KIAA1671: variants seen among roughly 807,000 people sequenced by gnomAD.
The protein encoded by KIAA1671 is uncharacterized protein KIAA1671.
Under a neutral mutation model 131.2 loss-of-function variants are expected in KIAA1671, and 52 were observed. The ratio of observed to expected loss-of-function variants is 0.40; its 90% CI spans 0.32 to 0.50. The LOEUF (loss-of-function observed/expected upper bound fraction) is 0.50. Ranked by LOEUF, KIAA1671 falls within the 20% of genes least tolerant of loss-of-function variation. KIAA1671 has a pLI of 0.73. For synonymous variants in KIAA1671, 1,003 were observed against 961.6 expected (o/e 1.04, Z -0.80); for missense variants, 2,360 against 2,364.2 (o/e 1.00, Z 0.04).
chr22:25,171,809 G>A (rs1228555955), intron 7 of KIAA1671, among the ~76,000 whole-genome samples: 1 of 152,106 alleles, frequency 6.6e-6, no homozygotes, highest in Admixed American at 6.5e-5. Context: ...GCGCTGGGGT[G>A]GAGAGGGAAT....
intron 6 of KIAA1671, among the ~76,000 whole-genome samples, chr22:25,128,282 T>C (rs762706210): frequency 4.6e-5 from 7 of 152,212 alleles, no homozygotes; most frequent in Non-Finnish European, 8.8e-5. Context: ...CCTTAATGTT[T>C]CTTCATGTTC....
chr22:25,042,026 G>T (rs1926954009), intron 5 of KIAA1671, among the ~76,000 whole-genome samples: 1 of 152,294 alleles, frequency 6.6e-6, no homozygotes, highest in East Asian at 1.9e-4. Flanking sequence ...TGACAGGCGT[G>T]TGCCACCATG....
rs1007310575 is a variant in KIAA1671, at chr22:24,999,800, C to T, written c.-207-25833C>T. On this transcript the variant is annotated intron_variant, in intron 1 of 12. Coordinates refer to ENST00000358431, the MANE Select transcript of KIAA1671 (RefSeq NM_001145206.2). ...CTGGTCTCAAACTTCTGGGCTCAAG[C>T]GATCCTCTCTCAGCCTCCCAAAGTG... Among the ~76,000 whole-genome samples the T allele has an allele frequency of 2.6e-4, 35 of 132,584 alleles. 1 individual carries two copies. Among genetic ancestry groups the T allele is most frequent in the East Asian group, 6.9e-4 (3 of 4,368 alleles). 87.0% of individuals were successfully genotyped at this position (132,584 alleles called of 152,430 possible). A position where few individuals can be genotyped will look rare whatever the true frequency, so the allele number is the denominator to read the frequency against.
intron 6 of KIAA1671, chr22:25,111,776 TCCCCA>T (rs1931367329): frequency 2.4e-4 from 1 of 4,248 alleles, no homozygotes; most frequent in African/African-American, 1.9e-3. Context: ...CCCACCCCCA[TCCCCA>T]TCCCCCGCCT....
intron 1 of KIAA1671, among the ~76,000 whole-genome samples, chr22:25,024,846 C>T (rs1171896090): frequency 1.6e-4 from 24 of 151,930 alleles, no homozygotes; most frequent in Admixed American, 1.5e-3. Context: ...AGGATGATGT[C>T]GTATTAAATG....
chr22:25,076,585 T>A (rs192094821), intron 6 of KIAA1671, among the ~76,000 whole-genome samples: 1 of 152,200 alleles, frequency 6.6e-6, no homozygotes, highest in Non-Finnish European at 1.5e-5. Flanking sequence ...TCTTTCAAAC[T>A]ATTAGTAAGA....
chr22:25,021,803 T>G lies in KIAA1671; in HGVS notation c.-207-3830T>G, dbSNP rs888624907. ...TTCCTGGCTCTTTTTCATTTTTTTT[T>G]TGGGATGGAGTCTCGCTCTGTTGCC... On this transcript the variant is annotated intron_variant, in intron 1 of 12. Coordinates refer to ENST00000358431, the MANE Select transcript of KIAA1671 (RefSeq NM_001145206.2). 6.2e-3 allele frequency among the ~76,000 whole-genome samples: 936 copies of G among 151,774 alleles called. 12 individuals are homozygous for G. The highest frequency in any genetic ancestry group is 0.022 in the African/African-American group (904 of 41,364).
intron 4 of KIAA1671, among the ~76,000 whole-genome samples, chr22:25,033,970 G>A (rs1001325209): frequency 6.6e-6 from 1 of 151,490 alleles, no homozygotes; most frequent in African/African-American, 2.4e-5. Context: ...TCCTATGTGT[G>A]TACAACCTGT....
At position 25,033,217 on chromosome 22, in the gene KIAA1671, T is replaced by C. The variant is rs1044356684; in HGVS notation, c.1629+521T>C. On this transcript the variant is annotated intron_variant, in intron 4 of 12. Coordinates refer to ENST00000358431, the MANE Select transcript of KIAA1671 (RefSeq NM_001145206.2). ...CCTGGGCAACATAGTGAGACTCTTATCTCTAAAAGAAAAAAAAAATTTTTT... is the reference window on the plus strand; with the variant it reads ...CCTGGGCAACATAGTGAGACTCTTACCTCTAAAAGAAAAAAAAAATTTTTT... Among the ~76,000 whole-genome samples the C allele has an allele frequency of 3.3e-5, 5 of 151,966 alleles. No individual in the cohort carries two copies. In the East Asian group the frequency reaches 5.8e-4, roughly 18 times the overall value.
chr22:25,173,113 GGA>G (rs1933905760), intron 7 of KIAA1671, among the ~76,000 whole-genome samples: 1 of 152,162 alleles, frequency 6.6e-6, no homozygotes, highest in African/African-American at 2.4e-5. Flanking sequence ...CCTGGCAGCA[GGA>G]GAGAGAGAAC....
At chr22:25,158,695 C>G (rs1933328668) in intron 6 of KIAA1671, among the ~76,000 whole-genome samples, 1 of 152,134 alleles carries the variant, frequency 6.6e-6, no homozygotes, top group South Asian at 2.1e-4. Context: ...AGCCCAGCCA[C>G]CTGGGTTTGA....
At chr22:25,015,701 T>G (rs117642176) in intron 1 of KIAA1671, among the ~76,000 whole-genome samples, 1 of 149,614 alleles carries the variant, frequency 6.7e-6, no homozygotes, top group Admixed American at 6.7e-5. Context: ...TCACAGTCTT[T>G]TAATATACCA....
chr22:25,028,865 C>T lies in KIAA1671; in HGVS notation c.866C>T (p.Ala289Val). The T allele has an allele frequency of 1.3e-6, 2 of 1,550,990 alleles. No homozygotes were observed. The highest frequency in any genetic ancestry group is 2.4e-5 in the South Asian group (2 of 83,966). ...AGGCCCTTGTCCATGGACCTCACGG[C>T]CCGGTTTGAGAACAAAGAGGCCTTG... is the stretch of plus-strand genomic sequence containing the variant. The part of the protein sequence containing the change: ...KPRPLSMDLT[A>V]RFENKEALLR... The change falls in exon 3 of 13, where the codon GCC (alanine) becomes GTC (valine). Residue 289 changes from alanine (A) to valine (V), a missense_variant. Coordinates refer to ENST00000358431, the MANE Select transcript of KIAA1671 (RefSeq NM_001145206.2).
At chr22:25,141,072 A>G (rs1314440816) in intron 6 of KIAA1671, among the ~76,000 whole-genome samples, 1 of 152,106 alleles carries the variant, frequency 6.6e-6, no homozygotes, top group Non-Finnish European at 1.5e-5. Flanking sequence ...TCCTCAGCCT[A>G]CTGGGAGAAC....
chr22:25,148,219 GC>G lies in KIAA1671; in HGVS notation c.4531-22598del, dbSNP rs527559872. On this transcript the variant is annotated intron_variant, in intron 6 of 12. Transcript: ENST00000358431. ...AGTCCCAGCACCCCCCTCAGTCCCA[GC>G]CCTTTCTCAGTCCTGGCACCCCCCT... Among the ~76,000 whole-genome samples, 163 of 147,990 alleles carry G rather than the reference GC, an allele frequency of 1.1e-3. 2 individuals carry two copies. The South Asian group carries it at 0.027, about 25-fold the overall frequency.
chr22:25,099,922 G>A (rs1282643777), intron 6 of KIAA1671, among the ~76,000 whole-genome samples: 1 of 152,198 alleles, frequency 6.6e-6, no homozygotes, highest in East Asian at 1.9e-4. Flanking sequence ...CTCTTGGCTT[G>A]CACTGATACC....
At chr22:25,005,345 C>CAAAAAAAAA (rs1215047643) in intron 1 of KIAA1671, among the ~76,000 whole-genome samples, 1 of 102,524 alleles carries the variant, frequency 9.8e-6, no homozygotes, top group Non-Finnish European at 1.9e-5. Context: ...GAGACTCCAT[C>CAAAAAAAAA]TAAAAAAAAA....
chr22:25,123,130 A>G (rs959122293), intron 6 of KIAA1671, among the ~76,000 whole-genome samples: 3 of 149,868 alleles, frequency 2.0e-5, no homozygotes, highest in African/African-American at 4.9e-5. Context: ...GTCCCCTTCT[A>G]TGCTGTACTG....
chr22:25,170,608 A>G (rs1434880104), intron 6 of KIAA1671, among the ~76,000 whole-genome samples: 1 of 152,170 alleles, frequency 6.6e-6, no homozygotes, highest in African/African-American at 2.4e-5. Flanking sequence ...CACTTTTAGC[A>G]CTGAAAGTCC....
Sources: gnomAD v4.1 joint callset for allele counts (sites outside exome capture counted in the v4.1 genomes callset) on GRCh38, gnomAD v4.1.1 for gene constraint, MANE v1.5 for transcripts, NCBI Gene and HGNC (gene_info 2026-07-23, HGNC 2026-07-21) for gene names.